The following TBC1D14 variants were observed in gnomAD, a reference collection of about 807,000 sequenced individuals.
TBC1D14 encodes the protein TBC1 domain family member 14, also known as TBC1 domain family, member 14.
A neutral mutation model predicts 79.0 loss-of-function variants in TBC1D14; 26 were observed. The ratio of observed to expected loss-of-function variants is 0.33; its 90% CI spans 0.24 to 0.46. TBC1D14 has a LOEUF of 0.46. TBC1D14 is among the 20% of genes least tolerant of loss of function. The probability of loss-of-function intolerance (pLI) is 1.00; values close to 1 mark genes in which losing one functional copy is unlikely to be tolerated. For synonymous variants in TBC1D14, 394 were observed against 349.9 expected, an observed-to-expected ratio of 1.13 and a Z score of -1.40; for missense variants, 769 against 887.6, an observed-to-expected ratio of 0.87 and a Z score of 1.70.
In TBC1D14 at chr4:7,033,084, T is replaced by G. The variant is rs1392815835; in HGVS notation, c.*2692T>G. 6.5e-6 allele frequency: 1 copy of G among 152,698 alleles called. No homozygotes were observed. Among genetic ancestry groups the G allele is most frequent in the Non-Finnish European group, 1.5e-5 (1 of 68,054 alleles). 9.5% of individuals were successfully genotyped at this position (152,698 alleles called of 1,614,324 possible). ...TTTTTTGAATTGTAAATAGGTGGTT[T>G]TATTAAATAAAAGTCAATGTAAAAT... On this transcript the variant is annotated 3_prime_UTR_variant, in exon 14 of 14. Coordinates refer to ENST00000409757, the MANE Select transcript of TBC1D14 (RefSeq NM_020773.3).
chr4:6,933,263 C>CCTCCCCTCCCCTCCCCTCCCCTCCA, intron 2 of TBC1D14, among the ~76,000 whole-genome samples: 1 of 12,762 alleles, frequency 7.8e-5, no homozygotes, highest in Non-Finnish European at 1.8e-4. Context: ...CCTCCCCTCC[C>CCTCCCCTCCCCTCCCCTCCCCTCCA]CTCCCTTCCC....
chr4:7,009,497 G>A (rs1437655425), intron 9 of TBC1D14, among the ~76,000 whole-genome samples: 4 of 152,184 alleles, frequency 2.6e-5, no homozygotes, highest in Non-Finnish European at 5.9e-5. Flanking sequence ...GGGGCACAGT[G>A]GGAGACGGCC....
Position 6,994,258 on chromosome 4 carries a change from T to G in TBC1D14, c.918T>G (p.Phe306Leu), listed in dbSNP as rs577161631. Residue 306 changes from phenylalanine to leucine, a missense_variant, in exon 4 of 14, where the codon TTT (phenylalanine) becomes TTG (leucine). By Grantham distance (22) the Phe-to-Leu change is conservative. This residue lies in a region of TBC1D14 where 367 missense variants were observed against 494.4 expected (regional missense o/e 0.74). Transcript: ENST00000409757. ...AGAATGTGAGGAAGAATCTTGACTT[T>G]GAACCACTTTCCACCACCGCACTCA... ...PKQNVRKNLDFEPLSTTALIL... is the reference protein window; with the variant it reads ...PKQNVRKNLDLEPLSTTALIL... 1.2e-6 allele frequency: 2 copies of G among 1,614,212 alleles called. No homozygotes were observed. Among genetic ancestry groups the G allele is most frequent in the African/African-American group, 1.3e-5 (1 of 75,056 alleles).
rs560500448 is a variant in TBC1D14, at chr4:7,025,390, G to C, written c.2016+128G>C. On this transcript the variant is annotated intron_variant, in intron 13 of 13. Coordinates refer to ENST00000409757, the MANE Select transcript of TBC1D14 (RefSeq NM_020773.3). ...GATGGAGTCCCTGGGCTGGAACTGA[G>C]GGGGGCCGGGTGGAGACGTGGCTGT... 4 of 1,438,034 alleles carry C rather than the reference G, an allele frequency of 2.8e-6. No homozygotes were observed. In the Admixed American group the frequency reaches 7.0e-5, roughly 25 times the overall value. 89.1% of individuals were successfully genotyped at this position (1,438,034 alleles called of 1,614,324 possible). A position where few individuals can be genotyped will look rare whatever the true frequency, so the allele number is the denominator to read the frequency against.
rs1332590492 is a variant in TBC1D14 at position 6,937,843 on chromosome 4, T to C, written c.722+13732T>C. Among the ~76,000 whole-genome samples, 6 of 151,782 alleles carry C rather than the reference T, an allele frequency of 4.0e-5. No homozygotes were observed. The East Asian group carries it at 1.2e-3, about 30-fold the overall frequency. On this transcript the variant is annotated intron_variant, in intron 2 of 13. Coordinates refer to ENST00000409757, the MANE Select transcript of TBC1D14 (RefSeq NM_020773.3). ...GGAGACCCTGAAGCCTGGAGGGTAG[T>C]GGGGGGTCGTCACCGTGTGGGCGGG...
chr4:6,912,161 T>C (rs1723047312), intron 1 of TBC1D14, among the ~76,000 whole-genome samples: 1 of 152,012 alleles, frequency 6.6e-6, no homozygotes. Context: ...GAGGCTGAGG[T>C]GGGTGGATCA....
chr4:7,018,591 C>T (rs184126926), intron 12 of TBC1D14, among the ~76,000 whole-genome samples: 19 of 152,362 alleles, frequency 1.2e-4, no homozygotes, highest in African/African-American at 2.2e-4. Context: ...TCACCTTCCT[C>T]GGTCCCTTTT....
At chr4:7,005,837 T>C (rs1226465880) in intron 8 of TBC1D14, among the ~76,000 whole-genome samples, 1 of 152,192 alleles carries the variant, frequency 6.6e-6, no homozygotes, top group Non-Finnish European at 1.5e-5. Flanking sequence ...TGGGATTAGT[T>C]GAATACTGGC....
At position 6,923,379 on chromosome 4, in the gene TBC1D14, C is replaced by G; in HGVS notation, c.-11C>G. Reference sequence around the variant, plus strand: ...ATGTTTGTGTTTTTTCTAGTTTCTCCTTGGACCAAGATGACTGATGGAAAA... The same window carrying G: ...ATGTTTGTGTTTTTTCTAGTTTCTCGTTGGACCAAGATGACTGATGGAAAA... On this transcript the variant is annotated 5_prime_UTR_variant, in exon 2 of 14. Coordinates refer to ENST00000409757, the MANE Select transcript of TBC1D14 (RefSeq NM_020773.3). 10 of 1,579,860 alleles carry G rather than the reference C, an allele frequency of 6.3e-6. No individual in the cohort carries two copies. The highest frequency in any genetic ancestry group is 7.7e-6 in the Non-Finnish European group (9 of 1,162,770).
At chr4:6,994,615 G>A (rs1191943725) in intron 4 of TBC1D14, among the ~76,000 whole-genome samples, 2 of 152,168 alleles carry the variant, frequency 1.3e-5, no homozygotes, top group East Asian at 1.9e-4. Context: ...TTGGGAGGCC[G>A]AGGCGGTGGA....
At chr4:6,916,347 C>T (rs13122119) in intron 1 of TBC1D14, among the ~76,000 whole-genome samples, 13,217 of 152,132 alleles carry the variant, frequency 0.087, 738 homozygotes, top group Middle Eastern at 0.16. Flanking sequence ...AAGAGGCTTC[C>T]GGTGGATATC....
chr4:6,957,053 G>A (rs1714713728), intron 2 of TBC1D14, among the ~76,000 whole-genome samples: 1 of 152,244 alleles, frequency 6.6e-6, no homozygotes, highest in Non-Finnish European at 1.5e-5. Context: ...GTTGCACCGT[G>A]CTGGGAGCCA....
At chr4:6,926,110 C>T (rs1398044967) in intron 2 of TBC1D14, among the ~76,000 whole-genome samples, 92 of 152,304 alleles carry the variant, frequency 6.0e-4, no homozygotes, top group Non-Finnish European at 5.9e-5. Flanking sequence ...GAGCGTGGCC[C>T]GTGTGCCCAT....
At chr4:7,003,754 C>T (rs1719901652) in intron 7 of TBC1D14, among the ~76,000 whole-genome samples, 1 of 151,734 alleles carries the variant, frequency 6.6e-6, no homozygotes, top group Non-Finnish European at 1.5e-5. Context: ...CATCCCAGCA[C>T]TTTGGGAGGT....
chr4:6,976,407 CA>C (rs1560298908), intron 3 of TBC1D14, among the ~76,000 whole-genome samples: 1 of 152,012 alleles, frequency 6.6e-6, no homozygotes, highest in Non-Finnish European at 1.5e-5. Context: ...AAAATAAAGA[CA>C]AAAAAATCAT....
chr4:6,948,734 C>CT (rs1268185772), intron 2 of TBC1D14, among the ~76,000 whole-genome samples: 9 of 145,106 alleles, frequency 6.2e-5, no homozygotes, highest in African/African-American at 2.3e-4. Context: ...GAGACAGAGT[C>CT]TGTCACCCAG....
chr4:6,998,259 C>T (rs113332000), intron 5 of TBC1D14, among the ~76,000 whole-genome samples: 4 of 151,512 alleles, frequency 2.6e-5, no homozygotes, highest in African/African-American at 9.7e-5. Context: ...TCTCAGGAGG[C>T]TAAGGCAGGA....
At chr4:7,004,267 G>A (rs1230468005) in intron 7 of TBC1D14, among the ~76,000 whole-genome samples, 1 of 152,222 alleles carries the variant, frequency 6.6e-6, no homozygotes, top group African/African-American at 2.4e-5. Context: ...ATCCTTCTCT[G>A]CCAGCAAGAG....
chr4:6,940,445 A>G (rs1399469919), intron 2 of TBC1D14, among the ~76,000 whole-genome samples: 4 of 152,068 alleles, frequency 2.6e-5, no homozygotes, highest in Non-Finnish European at 4.4e-5. Context: ...GGCTCCGGGG[A>G]AGGGGAAGGA....
Sources: allele counts gnomAD v4.1 joint callset (sites outside exome capture counted in the v4.1 genomes callset), GRCh38; gene constraint gnomAD v4.1.1; regional missense constraint gnomAD v4.1.1; transcripts MANE v1.5; gene names NCBI Gene and HGNC (gene_info 2026-07-23, HGNC 2026-07-21).